CLYBL: variants seen among roughly 807,000 people sequenced by gnomAD.
The protein encoded by CLYBL is citramalyl-CoA lyase, mitochondrial.
In CLYBL, 31 loss-of-function variants were observed where a neutral mutation model predicts 38.9. The ratio of observed to expected loss-of-function variants is 0.80; its 90% CI spans 0.60 to 1.08. CLYBL has a LOEUF of 1.08. Among genes scored for constraint, CLYBL ranks in the 50% least tolerant of loss-of-function variants. CLYBL has a pLI of 0.00. For synonymous variants in CLYBL, 171 were observed against 158.6 expected, an observed-to-expected ratio of 1.08 and a Z score of -0.59; for missense variants, 434 against 411.6, an observed-to-expected ratio of 1.05 and a Z score of -0.47.
chr13:99,811,640 T>C (rs2050344568), intron 2 of CLYBL, among the ~76,000 whole-genome samples: 1 of 152,038 alleles, frequency 6.6e-6, no homozygotes, highest in Admixed American at 6.6e-5. Context: ...TTGCTTTTAC[T>C]GACGCCCAGG....
chr13:99,905,963 G>A lies in CLYBL; in HGVS notation c.*160+558G>A, dbSNP rs145651080. Reference sequence around the variant, plus strand: ...TGATTTTTGTATTTTTTGTAGAAACGGGGTCTCACCATGTTGCCCAGTCTG... The same window carrying A: ...TGATTTTTGTATTTTTTGTAGAAACAGGGTCTCACCATGTTGCCCAGTCTG... On this transcript the variant is annotated intron_variant and NMD_transcript_variant, in intron 9 of 9. Coordinates refer to the CLYBL transcript ENST00000689673. Among the ~76,000 whole-genome samples the A allele has an allele frequency of 2.9e-4, 44 of 152,066 alleles. 1 individual carries two copies. The East Asian group carries it at 8.1e-3, about 28-fold the overall frequency.
intron 8 of CLYBL, 155 bp downstream of exon 8, chr13:99,891,592 A>T (rs2052491471): frequency 1.9e-6 from 1 of 537,212 alleles, no homozygotes; most frequent in Middle Eastern, 4.7e-4. Context: ...CCCCTAAAAA[A>T]ATGAACGCTT....
chr13:99,790,717 C>T (rs576920995), intron 2 of CLYBL, among the ~76,000 whole-genome samples: 1 of 152,306 alleles, frequency 6.6e-6, no homozygotes, highest in African/African-American at 2.4e-5. Flanking sequence ...AGAAGTCTCT[C>T]CCTGAACCAT....
At chr13:99,800,911 A>AAAAAAAAACAAAC (rs2050122272) in intron 2 of CLYBL, among the ~76,000 whole-genome samples, 1 of 151,126 alleles carries the variant, frequency 6.6e-6, no homozygotes, top group Admixed American at 6.6e-5. Context: ...AAAAAACAAA[A>AAAAAAAAACAAAC]AAAAAAAAAC....
At chr13:99,618,740 C>T (rs2046751420) in intron 1 of CLYBL, among the ~76,000 whole-genome samples, 1 of 152,316 alleles carries the variant, frequency 6.6e-6, no homozygotes, top group Non-Finnish European at 1.5e-5. Context: ...CCCTGGTAAC[C>T]ACCATTCTCA....
At chr13:99,751,428 C>T (rs1417974960) in intron 1 of CLYBL, among the ~76,000 whole-genome samples, 1 of 152,038 alleles carries the variant, frequency 6.6e-6, no homozygotes, top group Non-Finnish European at 1.5e-5. Flanking sequence ...GCCATGTTGA[C>T]CAGGCTGATC....
chr13:99,610,619 T>C (rs2046611722), intron 1 of CLYBL, among the ~76,000 whole-genome samples: 1 of 152,224 alleles, frequency 6.6e-6, no homozygotes, highest in Non-Finnish European at 1.5e-5. Context: ...AGGGACTCTG[T>C]GTGTGTCAGG....
intron 1 of CLYBL, among the ~76,000 whole-genome samples, chr13:99,609,724 A>G (rs1375136653): frequency 1.3e-5 from 2 of 151,674 alleles, no homozygotes; most frequent in Non-Finnish European, 2.9e-5. Flanking sequence ...TCTTTTGTAG[A>G]AATCAGGTTT....
intron 7 of CLYBL, among the ~76,000 whole-genome samples, chr13:99,875,212 T>A (rs1252555724): frequency 6.6e-6 from 1 of 152,214 alleles, no homozygotes; most frequent in Non-Finnish European, 1.5e-5. Flanking sequence ...GCCTAACAAC[T>A]GTAAGCATCA....
intron 2 of CLYBL, 107 bp downstream of exon 2, chr13:99,773,117 T>C (rs2049435107): frequency 1.1e-6 from 1 of 893,570 alleles, no homozygotes; most frequent in African/African-American, 1.7e-5. Context: ...CACTCATCTT[T>C]TGCTGATTAT....
intron 2 of CLYBL, among the ~76,000 whole-genome samples, chr13:99,854,540 GA>G (rs2051410521): frequency 6.6e-6 from 1 of 151,794 alleles, no homozygotes; most frequent in Non-Finnish European, 1.5e-5. Flanking sequence ...CTTCACACTC[GA>G]TTTATTCTCC....
At chr13:99,854,978 T>C (rs893878989) in intron 2 of CLYBL, among the ~76,000 whole-genome samples, 1 of 152,146 alleles carries the variant, frequency 6.6e-6, no homozygotes, top group Non-Finnish European at 1.5e-5. Flanking sequence ...GGAACACCAT[T>C]TTTTAGAATG....
intron 1 of CLYBL, among the ~76,000 whole-genome samples, chr13:99,670,505 C>A (rs1411187719): frequency 6.6e-6 from 1 of 152,146 alleles, no homozygotes; most frequent in African/African-American, 2.4e-5. Flanking sequence ...TAGACACGTG[C>A]TCTAAAAACA....
chr13:99,672,581 C>T (rs1236475160), intron 1 of CLYBL, among the ~76,000 whole-genome samples: 1 of 151,364 alleles, frequency 6.6e-6, no homozygotes, highest in African/African-American at 2.4e-5. Flanking sequence ...TGAGACCAGC[C>T]TGGGCAACAT....
At chr13:99,829,955 C>G (rs1474646851) in intron 2 of CLYBL, among the ~76,000 whole-genome samples, 1 of 152,120 alleles carries the variant, frequency 6.6e-6, no homozygotes, top group East Asian at 1.9e-4. Context: ...AGGGGGCCAG[C>G]ATGTCAAGCG....
chr13:99,818,505 C>A (rs2050508192), intron 2 of CLYBL, among the ~76,000 whole-genome samples: 2 of 146,558 alleles, frequency 1.4e-5, no homozygotes, highest in Admixed American at 6.9e-5. Flanking sequence ...TGCCACACTG[C>A]CACTGATCAG....
At chr13:99,739,404 G>A (rs185737745) in intron 1 of CLYBL, among the ~76,000 whole-genome samples, 38 of 152,254 alleles carry the variant, frequency 2.5e-4, no homozygotes, top group Non-Finnish European at 1.6e-4. Context: ...GATGGGTCGC[G>A]TTCTGCCTAC....
chr13:99,756,135 A>G lies in CLYBL; in HGVS notation c.63-16689A>G, dbSNP rs556273396. Among the ~76,000 whole-genome samples, 49 of 152,286 alleles carry G rather than the reference A, an allele frequency of 3.2e-4. No homozygotes were observed. The Middle Eastern group carries it at 0.01, about 32-fold the overall frequency. On this transcript the variant is annotated intron_variant, in intron 1 of 8. Transcript: ENST00000339105. ...CCCATTCTCACCCCTGCACTTCTAC[A>G]ATGATGGCCATGGATTCAGTGGGTG...
At chr13:99,864,984 C>A in intron 5 of CLYBL, 73 bp downstream of exon 5, 3 of 1,104,106 alleles carry the variant, frequency 2.7e-6, no homozygotes, top group Non-Finnish European at 4.2e-6. Context: ...TTTTCTTTGC[C>A]CCTCAAGGAT....
Sources: gnomAD v4.1 joint callset for allele counts (sites outside exome capture counted in the v4.1 genomes callset) on GRCh38, gnomAD v4.1.1 for gene constraint, MANE v1.5 for transcripts, NCBI Gene and HGNC (gene_info 2026-07-23, HGNC 2026-07-21) for gene names.